Variants in PHLPP1 observed in about 807,000 individuals in gnomAD.
PHLPP1 encodes PH domain and leucine rich repeat protein phosphatase 1, also known as PH domain leucine-rich repeat-containing protein phosphatase 1.
Under a neutral mutation model 117.2 loss-of-function variants are expected in PHLPP1, and 42 were observed. That is an observed-to-expected ratio of 0.36 (90% CI 0.28 to 0.46). The LOEUF (loss-of-function observed/expected upper bound fraction) is 0.46, where lower values mean the gene tolerates loss of function less well. Ranked by LOEUF, PHLPP1 falls within the 20% of genes least tolerant of loss-of-function variation. PHLPP1 has a pLI of 1.00. For missense variants in PHLPP1, 2,084 were observed against 2,241.9 expected, an observed-to-expected ratio of 0.93 and a Z score of 1.42; for synonymous variants, 1,042 against 970.7, an observed-to-expected ratio of 1.07 and a Z score of -1.37.
intron 1 of PHLPP1, among the ~76,000 whole-genome samples, chr18:62,816,832 TAA>T (rs1410162295): frequency 6.6e-6 from 1 of 152,230 alleles, no homozygotes; most frequent in Non-Finnish European, 1.5e-5. Context: ...TTATATTAAA[TAA>T]GACATCATTT....
intron 12 of PHLPP1, among the ~76,000 whole-genome samples, chr18:62,945,957 G>GT (rs1910269345): frequency 6.6e-6 from 1 of 152,244 alleles, no homozygotes; most frequent in Non-Finnish European, 1.5e-5. Context: ...TGAAAGCCAT[G>GT]TAACAACCAT....
intron 4 of PHLPP1, among the ~76,000 whole-genome samples, chr18:62,867,747 C>T (rs923966426): frequency 3.9e-5 from 6 of 151,900 alleles, no homozygotes; most frequent in African/African-American, 9.7e-5. Flanking sequence ...TATTCTGCCA[C>T]GGCGATGCAT....
rs548282923 is a variant in PHLPP1, at chr18:62,895,752, C to T, written c.2214-29C>T. The T allele has an allele frequency of 4.4e-5, 57 of 1,303,940 alleles. 1 individual carries two copies. Among genetic ancestry groups the T allele is most frequent in the Non-Finnish European group, 5.8e-5 (52 of 900,574 alleles). 80.8% of individuals were successfully genotyped at this position (1,303,940 alleles called of 1,614,324 possible). ...TAAAGATGTAAAATTTATATGTTCTCTTTGTAATTCTTATGTTTTCTCTAA... is the reference window on the plus strand; with the variant it reads ...TAAAGATGTAAAATTTATATGTTCTTTTTGTAATTCTTATGTTTTCTCTAA... On this transcript the variant is annotated intron_variant, in intron 5 of 16. Transcript: ENST00000262719.
chr18:62,934,614 T>C (rs1909915146), intron 10 of PHLPP1, among the ~76,000 whole-genome samples: 1 of 152,284 alleles, frequency 6.6e-6, no homozygotes, highest in South Asian at 2.1e-4. Context: ...TTGGGTACTA[T>C]TTGGTGGTAC....
At chr18:62,892,082 CTTTTT>C (rs200141250) in intron 4 of PHLPP1, among the ~76,000 whole-genome samples, 5,244 of 107,196 alleles carry the variant, frequency 0.049, 107 homozygotes, top group Non-Finnish European at 0.073. Flanking sequence ...TTCTTTCTTT[CTTTTT>C]TTTTTTTTTT....
chr18:62,963,011 TAAG>T (rs1477041090), intron 13 of PHLPP1, among the ~76,000 whole-genome samples: 2 of 152,208 alleles, frequency 1.3e-5, no homozygotes. Context: ...ATTCATGGTG[TAAG>T]AATACACCCA....
chr18:62,849,324 G>T (rs773144666), intron 3 of PHLPP1, among the ~76,000 whole-genome samples: 19 of 152,102 alleles, frequency 1.2e-4, no homozygotes, highest in Non-Finnish European at 2.8e-4. Context: ...ATATTTTAAA[G>T]TTAAATTCTT....
At chr18:62,922,600 G>A (rs573282197) in intron 10 of PHLPP1, among the ~76,000 whole-genome samples, 6 of 152,132 alleles carry the variant, frequency 3.9e-5, no homozygotes, top group African/African-American at 1.2e-4. Flanking sequence ...AGAGTTCTAC[G>A]CTGAATCTGT....
At chr18:62,860,380 A>G (rs762769075) in intron 3 of PHLPP1, 55 bp from the exon 4 acceptor site, 38 of 1,416,444 alleles carry the variant, frequency 2.7e-5, no homozygotes, top group Non-Finnish European at 3.8e-5. Flanking sequence ...CTATCCATAG[A>G]AAGTAGTTAT....
intron 4 of PHLPP1, among the ~76,000 whole-genome samples, chr18:62,892,516 G>A (rs879496920): frequency 6.6e-6 from 1 of 152,094 alleles, no homozygotes; most frequent in Non-Finnish European, 1.5e-5. Context: ...ACTGAAATAT[G>A]AGAGTGACAG....
intron 6 of PHLPP1, among the ~76,000 whole-genome samples, chr18:62,901,165 C>T (rs1916715007): frequency 6.6e-6 from 1 of 152,110 alleles, no homozygotes; most frequent in African/African-American, 2.4e-5. Flanking sequence ...TTGTGTGTGG[C>T]TCTTTCAAGT....
At chr18:62,919,252 A>G (rs961924508) in intron 9 of PHLPP1, among the ~76,000 whole-genome samples, 2 of 152,214 alleles carry the variant, frequency 1.3e-5, no homozygotes, top group Non-Finnish European at 2.9e-5. Flanking sequence ...TTTACATTAG[A>G]TTAACAAGTA....
intron 6 of PHLPP1, among the ~76,000 whole-genome samples, chr18:62,900,452 T>G (rs1235634103): frequency 8.0e-6 from 1 of 124,400 alleles, no homozygotes; most frequent in Non-Finnish European, 1.7e-5. Context: ...TTTTTTTTTT[T>G]TTTTTTTTTG....
intron 1 of PHLPP1, 33 bp downstream of exon 1, chr18:62,717,292 C>CAA: frequency 1.3e-6 from 2 of 1,535,892 alleles, no homozygotes; most frequent in Non-Finnish European, 1.8e-6. Context: ...CGGGTGGTTG[C>CAA]AAAAGCTGCC....
intron 1 of PHLPP1, among the ~76,000 whole-genome samples, chr18:62,743,069 AT>A (rs57323657): frequency 8.3e-4 from 125 of 149,948 alleles, no homozygotes; most frequent in African/African-American, 2.9e-3. Flanking sequence ...CTTGCTTAGG[AT>A]TTTTTTTTTA....
At chr18:62,806,222 A>G (rs1599057170) in intron 1 of PHLPP1, among the ~76,000 whole-genome samples, 1 of 152,220 alleles carries the variant, frequency 6.6e-6, no homozygotes, top group Admixed American at 6.5e-5. Flanking sequence ...AGAATTGGTA[A>G]TAAGATTTAA....
chr18:62,726,836 G>A (rs1408617407), intron 1 of PHLPP1, among the ~76,000 whole-genome samples: 1 of 151,116 alleles, frequency 6.6e-6, no homozygotes, highest in Non-Finnish European at 1.5e-5. Context: ...CATCTGCCTT[G>A]GCCTCCCAAA....
intron 9 of PHLPP1, among the ~76,000 whole-genome samples, chr18:62,916,054 A>C (rs1909267076): frequency 6.6e-6 from 1 of 152,088 alleles, no homozygotes; most frequent in African/African-American, 2.4e-5. Flanking sequence ...CTTTAAAGGT[A>C]TGTGATCACC....
chr18:62,879,283 A>G (rs868545055), intron 4 of PHLPP1, among the ~76,000 whole-genome samples: 16 of 152,168 alleles, frequency 1.1e-4, no homozygotes, highest in Non-Finnish European at 1.9e-4. Flanking sequence ...CTCTTCTGCC[A>G]TGGGATGACA....
Sources: gnomAD v4.1 joint callset for allele counts (sites outside exome capture counted in the v4.1 genomes callset) on GRCh38, gnomAD v4.1.1 for gene constraint, MANE v1.5 for transcripts, NCBI Gene and HGNC (gene_info 2026-07-23, HGNC 2026-07-21) for gene names.